Variants in ROBO1 observed in about 807,000 individuals in gnomAD.
ROBO1 encodes roundabout homolog 1.
ROBO1 carries 149 observed loss-of-function variants against 195.9 expected under a neutral mutation model. That is an observed-to-expected ratio of 0.76 (90% confidence interval 0.67 to 0.87). The LOEUF is 0.87. Among genes scored for constraint, ROBO1 ranks in the 40% least tolerant of loss-of-function variants. The pLI is 0.00. For synonymous variants in ROBO1, 816 were observed against 733.2 expected (o/e 1.11, Z -1.82); for missense variants, 1,933 against 2,068.3 (o/e 0.93, Z 1.27).
At chr3:78,982,518 T>A (rs1035127379) in intron 3 of ROBO1, among the ~76,000 whole-genome samples, 8 of 152,178 alleles carry the variant, frequency 5.3e-5, no homozygotes, top group Non-Finnish European at 1.0e-4. Flanking sequence ...AAAATTGCAT[T>A]TTGCTTTAGG....
intron 1 of ROBO1, among the ~76,000 whole-genome samples, chr3:79,765,936 G>A (rs1400495828): frequency 6.6e-6 from 1 of 152,086 alleles, no homozygotes; most frequent in Admixed American, 6.5e-5. Flanking sequence ...ACAGGCCTCT[G>A]TAACACACAG....
chr3:79,437,658 A>G (rs965218729), intron 2 of ROBO1, among the ~76,000 whole-genome samples: 1 of 151,988 alleles, frequency 6.6e-6, no homozygotes, highest in Non-Finnish European at 1.5e-5. Context: ...AACATCCTAC[A>G]TATGTACTGT....
At chr3:79,158,589 C>T (rs1055318379) in intron 2 of ROBO1, among the ~76,000 whole-genome samples, 2 of 151,390 alleles carry the variant, frequency 1.3e-5, no homozygotes, top group African/African-American at 2.4e-5. Context: ...AAGTTTTTGT[C>T]CACTTGAAAT....
intron 2 of ROBO1, among the ~76,000 whole-genome samples, chr3:79,160,683 CTG>C (rs1008192927): frequency 2.6e-5 from 4 of 152,020 alleles, no homozygotes; most frequent in Non-Finnish European, 5.9e-5. Flanking sequence ...TCCAAAAAAA[CTG>C]TGGTTTTATT....
rs1943943254 is a variant in ROBO1 at position 79,589,874 on chromosome 3, G to A, written c.38C>T (p.Ser13Leu). The change falls in exon 2 of 31, where the codon TCA (serine) becomes TTA (leucine). Residue 13 changes from serine (S) to leucine (L), a missense_variant. Physicochemically the swap from Ser to Leu is moderately radical, Grantham distance 145. Around this residue, in one of 3 missense-constraint regions of ROBO1, gnomAD observed 185 missense variants for 159.5 expected, o/e 1.16. Coordinates refer to ENST00000464233, the MANE Select transcript of ROBO1 (RefSeq NM_002941.4). ...GTGATTTGGGGATAAGCTGAGGAGT[G>A]ATATCATGACCAAAAAAGGAACATG... Reference protein sequence around the residue: ...WKHVPFLVMISLLSLSPNHLF... With the variant: ...WKHVPFLVMILLLSLSPNHLF... 6.2e-7 allele frequency: 1 copy of A among 1,610,918 alleles called. No individual in the cohort carries two copies. The highest frequency in any genetic ancestry group is 8.5e-7 in the Non-Finnish European group (1 of 1,177,836).
intron 1 of ROBO1, among the ~76,000 whole-genome samples, chr3:79,714,218 A>T (rs1456449348): frequency 1.3e-5 from 2 of 152,180 alleles, no homozygotes; most frequent in Non-Finnish European, 2.9e-5. Context: ...AAAAGAAGAC[A>T]TTTATGCAGC....
intron 4 of ROBO1, among the ~76,000 whole-genome samples, chr3:78,821,551 C>A (rs866960429): frequency 6.6e-6 from 1 of 152,048 alleles, no homozygotes; most frequent in Non-Finnish European, 1.5e-5. Flanking sequence ...TCATTTTTCC[C>A]CTCTAAATTG....
At chr3:79,197,870 A>C (rs983118422) in intron 2 of ROBO1, among the ~76,000 whole-genome samples, 2 of 142,736 alleles carry the variant, frequency 1.4e-5, no homozygotes, top group Non-Finnish European at 3.0e-5. Flanking sequence ...TCCTTCGCCC[A>C]TTTTTTTGAT....
chr3:79,588,530 G>A (rs1943900051), intron 2 of ROBO1, among the ~76,000 whole-genome samples: 1 of 151,662 alleles, frequency 6.6e-6, no homozygotes, highest in Non-Finnish European at 1.5e-5. Flanking sequence ...TATAGTTGTA[G>A]TTTTAAAAAC....
intron 2 of ROBO1, among the ~76,000 whole-genome samples, chr3:79,201,002 C>G (rs551055282): frequency 6.6e-6 from 1 of 151,872 alleles, no homozygotes; most frequent in Admixed American, 6.6e-5. Flanking sequence ...ACAGCAAATT[C>G]CGGATCCTGT....
intron 5 of ROBO1, among the ~76,000 whole-genome samples, chr3:78,730,813 T>A (rs984141931): frequency 2.6e-5 from 4 of 152,158 alleles, no homozygotes; most frequent in Non-Finnish European, 5.9e-5. Context: ...ACAATACACA[T>A]GTTAACATGA....
chr3:79,524,018 G>A (rs1013079897), intron 2 of ROBO1, among the ~76,000 whole-genome samples: 3 of 151,968 alleles, frequency 2.0e-5, no homozygotes, highest in Non-Finnish European at 4.4e-5. Flanking sequence ...CCTCATGAAC[G>A]GCATCAACTA....
intron 2 of ROBO1, among the ~76,000 whole-genome samples, chr3:79,223,860 T>G (rs931025008): frequency 2.8e-4 from 43 of 152,178 alleles, no homozygotes; most frequent in Admixed American, 2.8e-3. Context: ...TAGAAAATAC[T>G]GAGATTGTCT....
chr3:79,124,856 T>A (rs1353809869), intron 3 of ROBO1, among the ~76,000 whole-genome samples: 1 of 152,212 alleles, frequency 6.6e-6, no homozygotes, highest in Non-Finnish European at 1.5e-5. Context: ...GTGATCATTC[T>A]TAAACATTTA....
chr3:79,447,562 G>A (rs1001133812), intron 2 of ROBO1, among the ~76,000 whole-genome samples: 3 of 152,090 alleles, frequency 2.0e-5, no homozygotes, highest in Admixed American at 2.0e-4. Flanking sequence ...ATCTTAGATT[G>A]TTACATCATG....
chr3:78,702,446 T>A (rs998040159), intron 8 of ROBO1, among the ~76,000 whole-genome samples: 1 of 152,222 alleles, frequency 6.6e-6, no homozygotes, highest in Non-Finnish European at 1.5e-5. Flanking sequence ...CAAACAATTC[T>A]GGATAAAATA....
At chr3:78,620,343 C>T (rs1458349615) in intron 26 of ROBO1, among the ~76,000 whole-genome samples, 1 of 151,872 alleles carries the variant, frequency 6.6e-6, no homozygotes, top group Admixed American at 6.6e-5. Context: ...GAAACCCCGT[C>T]TCTACTAAAA....
At chr3:79,372,257 A>G (rs2036224058) in intron 2 of ROBO1, among the ~76,000 whole-genome samples, 1 of 148,004 alleles carries the variant, frequency 6.8e-6, no homozygotes, top group Non-Finnish European at 1.5e-5. Context: ...GTAAGGCTGG[A>G]GTGCAGGAGC....
chr3:78,614,586 C>CT lies in ROBO1; in HGVS notation c.4435+61dup, dbSNP rs1454415146. 3 of 1,565,444 alleles carry CT rather than the reference C, an allele frequency of 1.9e-6. No homozygotes were observed. In the African/African-American group the frequency reaches 4.1e-5, roughly 21 times the overall value. ...ACGTCAGTGAATGCATTTGCTAGTC[C>CT]TAGAGAGGCAGGGTAAATAGGCGAG... On this transcript the variant is annotated intron_variant, in intron 28 of 30. Coordinates refer to ENST00000464233, the MANE Select transcript of ROBO1 (RefSeq NM_002941.4).
Sources: allele counts gnomAD v4.1 joint callset (sites outside exome capture counted in the v4.1 genomes callset), GRCh38; gene constraint gnomAD v4.1.1; regional missense constraint gnomAD v4.1.1; transcripts MANE v1.5; gene names NCBI Gene and HGNC (gene_info 2026-07-23, HGNC 2026-07-21).